The following MSRB3 variants were observed in gnomAD, a reference collection of about 807,000 sequenced individuals.
MSRB3 encodes the protein methionine sulfoxide reductase B3.
In MSRB3, 13 loss-of-function variants were observed where a neutral mutation model predicts 21.0. The observed-to-expected ratio is 0.62, with a 90% CI of 0.40 to 0.98. The LOEUF (loss-of-function observed/expected upper bound fraction) is 0.98. Among genes scored for constraint, MSRB3 ranks in the 50% least tolerant of loss-of-function variants. The pLI, the probability that MSRB3 is intolerant of heterozygous loss-of-function variation, is 0.00. For synonymous variants in MSRB3, 87 were observed against 88.6 expected (o/e 0.98, Z 0.10); for missense variants, 199 against 230.3 (o/e 0.86, Z 0.88).
chr12:65,409,052 G>A (rs1157329082), intron 5 of MSRB3, among the ~76,000 whole-genome samples: 1 of 151,910 alleles, frequency 6.6e-6, no homozygotes, highest in Non-Finnish European at 1.5e-5. Flanking sequence ...GGCCTCTCTG[G>A]AGTTTTAAAC....
chr12:65,341,609 T>C (rs982222859), intron 4 of MSRB3, among the ~76,000 whole-genome samples: 22 of 151,876 alleles, frequency 1.4e-4, no homozygotes, highest in Admixed American at 5.9e-4. Flanking sequence ...CTTGCAGTAA[T>C]GACCCCGATG....
intron 2 of MSRB3, among the ~76,000 whole-genome samples, chr12:65,317,299 C>T (rs1164738144): frequency 6.6e-6 from 1 of 152,120 alleles, no homozygotes; most frequent in Non-Finnish European, 1.5e-5. Context: ...CTGCTTTTAC[C>T]ATTTTACCAT....
At position 65,308,508 on chromosome 12, in the gene MSRB3, T is replaced by G. The variant is rs1158770712; in HGVS notation, c.-51-21T>G. On this transcript the variant is annotated intron_variant, in intron 1 of 6. Coordinates refer to ENST00000308259, the MANE Select transcript of MSRB3 (RefSeq NM_001031679.3). ...GTGATGTTTTAATTTGATTTTTGTT[T>G]TTGTTTTTTCTCCTACTCAGCTCTT... 3 of 1,612,882 alleles carry G rather than the reference T, an allele frequency of 1.9e-6. No homozygotes were observed. In the Admixed American group the frequency reaches 5.0e-5, roughly 27 times the overall value.
At position 65,308,708 on chromosome 12, in the gene MSRB3, T is replaced by G. The variant is rs1873803436; in HGVS notation, c.76+53T>G. 3 of 1,612,830 alleles carry G rather than the reference T, an allele frequency of 1.9e-6. No individual in the cohort carries two copies. In the South Asian group the frequency reaches 3.3e-5, roughly 18 times the overall value. ...GAAGGCACAGGGCCAACTGGGTGTT[T>G]CTGCTGCAGGAAATGATACACCATC... is the stretch of plus-strand genomic sequence containing the variant. On this transcript the variant is annotated intron_variant, in intron 2 of 6. Coordinates refer to ENST00000308259, the MANE Select transcript of MSRB3 (RefSeq NM_001031679.3).
At chr12:65,339,872 A>T (rs546293729) in intron 4 of MSRB3, among the ~76,000 whole-genome samples, 56 of 152,252 alleles carry the variant, frequency 3.7e-4, no homozygotes, top group African/African-American at 1.2e-3. Context: ...GATTAAGGTG[A>T]TCTTTCACCT....
chr12:65,356,688 T>G (rs1255019328), intron 4 of MSRB3, among the ~76,000 whole-genome samples: 2 of 151,956 alleles, frequency 1.3e-5, no homozygotes, highest in African/African-American at 4.8e-5. Flanking sequence ...AAAAGAACAT[T>G]CAGGTTAGTG....
At chr12:65,379,846 G>A (rs1878843298) in intron 5 of MSRB3, among the ~76,000 whole-genome samples, 1 of 152,110 alleles carries the variant, frequency 6.6e-6, no homozygotes, top group Non-Finnish European at 1.5e-5. Context: ...CAGTGTGTAG[G>A]CATTTTTACT....
intron 5 of MSRB3, among the ~76,000 whole-genome samples, chr12:65,420,445 T>C (rs1881231307): frequency 6.6e-6 from 1 of 151,994 alleles, no homozygotes; most frequent in African/African-American, 2.4e-5. Context: ...ACTGGAATTG[T>C]TAAAAATCTT....
rs1185997319 is a variant in MSRB3 at position 65,294,774 on chromosome 12, A to AT, written c.-51-13749dup. On this transcript the variant is annotated intron_variant, in intron 1 of 6. Transcript: ENST00000308259. ...ACTATAGTTTTATGTTCTTTTTGTG[A>AT]TTTTTTCCACCTTGGTTTTCAATCT... Among the ~76,000 whole-genome samples, 8 of 151,542 alleles carry AT rather than the reference A, an allele frequency of 5.3e-5. No individual in the cohort carries two copies. In the East Asian group the frequency reaches 5.8e-4, roughly 11 times the overall value.
At chr12:65,400,196 C>A (rs1317848968) in intron 5 of MSRB3, among the ~76,000 whole-genome samples, 1 of 149,968 alleles carries the variant, frequency 6.7e-6, no homozygotes, top group Non-Finnish European at 1.5e-5. Context: ...CCTGTTTGTA[C>A]CTCTGGTAGA....
At chr12:65,349,286 A>G (rs1876764551) in intron 4 of MSRB3, among the ~76,000 whole-genome samples, 1 of 151,814 alleles carries the variant, frequency 6.6e-6, no homozygotes, top group African/African-American at 2.4e-5. Context: ...TATGTGCCAC[A>G]TTTTCTTAAT....
rs1478714792 is a variant in MSRB3, at chr12:65,309,238, A to G, written c.76+583A>G. Among the ~76,000 whole-genome samples, 5 of 152,348 alleles carry G rather than the reference A, an allele frequency of 3.3e-5. No individual in the cohort carries two copies. In the East Asian group the frequency reaches 9.6e-4, roughly 29 times the overall value. Reference sequence around the variant, plus strand: ...TAAAAATGTGATTTTAAGAATTTAAATAAGTGAGGCATGAAAGTCCAAAAT... The same window carrying G: ...TAAAAATGTGATTTTAAGAATTTAAGTAAGTGAGGCATGAAAGTCCAAAAT... On this transcript the variant is annotated intron_variant, in intron 2 of 6. Transcript: ENST00000308259.
At chr12:65,388,728 A>G (rs1879318266) in intron 5 of MSRB3, among the ~76,000 whole-genome samples, 2 of 152,036 alleles carry the variant, frequency 1.3e-5, no homozygotes, top group African/African-American at 4.8e-5. Context: ...AAAATTAGCC[A>G]GACATGGTGG....
At chr12:65,299,703 T>C (rs1329513376) in intron 1 of MSRB3, among the ~76,000 whole-genome samples, 2 of 152,202 alleles carry the variant, frequency 1.3e-5, no homozygotes, top group East Asian at 3.9e-4. Context: ...TCCAGTCTAG[T>C]TGGTGTCTTC....
intron 6 of MSRB3, among the ~76,000 whole-genome samples, chr12:65,457,953 C>T (rs950542575): frequency 1.3e-4 from 20 of 152,072 alleles, no homozygotes; most frequent in African/African-American, 3.9e-4. Flanking sequence ...TCTTAATTTA[C>T]GTGGCTTGTC....
intron 4 of MSRB3, among the ~76,000 whole-genome samples, chr12:65,334,593 C>T (rs560442775): frequency 8.7e-4 from 133 of 152,220 alleles, no homozygotes; most frequent in African/African-American, 2.9e-3. Context: ...TACTTAAGTA[C>T]TTAAGTTGAA....
intron 5 of MSRB3, chr12:65,419,236 T>C (rs1018333103): frequency 2.1e-5 from 15 of 722,664 alleles, no homozygotes; most frequent in Non-Finnish European, 3.5e-5. Context: ...TTCTCAGTTC[T>C]TCCGAGCCAG....
At chr12:65,382,629 TTTAG>T (rs1878998647) in intron 5 of MSRB3, among the ~76,000 whole-genome samples, 1 of 151,976 alleles carries the variant, frequency 6.6e-6, no homozygotes, top group South Asian at 2.1e-4. Context: ...CGACCACCTG[TTTAG>T]TTAGCAGTAT....
intron 1 of MSRB3, chr12:65,283,609 T>A (rs1872171455): frequency 6.6e-6 from 1 of 152,160 alleles, no homozygotes; most frequent in Non-Finnish European, 1.5e-5. Flanking sequence ...TTGTAGTATT[T>A]TTTTGTAGAG....
Sources: gnomAD v4.1 joint callset for allele counts (sites outside exome capture counted in the v4.1 genomes callset) on GRCh38, gnomAD v4.1.1 for gene constraint, MANE v1.5 for transcripts, NCBI Gene and HGNC (gene_info 2026-07-23, HGNC 2026-07-21) for gene names.